ABCC4: variants seen among roughly 807,000 people sequenced by gnomAD.
The protein encoded by ABCC4 is ATP-binding cassette sub-family C member 4.
Under a neutral mutation model 168.5 loss-of-function variants are expected in ABCC4, and 102 were observed. That is an observed-to-expected ratio of 0.61 (90% CI 0.52 to 0.71). The LOEUF (loss-of-function observed/expected upper bound fraction) is 0.71. ABCC4 is among the 30% of genes least tolerant of loss of function. The pLI, the probability that ABCC4 is intolerant of heterozygous loss-of-function variation, is 0.00. For synonymous variants in ABCC4, 617 were observed against 590.7 expected, an observed-to-expected ratio of 1.04 and a Z score of -0.65; for missense variants, 1,402 against 1,605.8, an observed-to-expected ratio of 0.87 and a Z score of 2.17.
chr13:95,098,873 A>G (rs1431752742), intron 20 of ABCC4, among the ~76,000 whole-genome samples: 1 of 152,210 alleles, frequency 6.6e-6, no homozygotes, highest in Non-Finnish European at 1.5e-5. Context: ...GATTGATCAT[A>G]CTAAATGTTG....
chr13:95,248,718 A>C (rs2040178557), intron 1 of ABCC4, among the ~76,000 whole-genome samples: 1 of 152,076 alleles, frequency 6.6e-6, no homozygotes, highest in African/African-American at 2.4e-5. Context: ...AGACCAGCCT[A>C]CACAACATAG....
At chr13:95,108,281 A>G (rs1038806091) in intron 20 of ABCC4, among the ~76,000 whole-genome samples, 1 of 152,198 alleles carries the variant, frequency 6.6e-6, no homozygotes, top group African/African-American at 2.4e-5. Context: ...ATGACTTTCT[A>G]TAGGGAGATG....
At chr13:95,262,188 C>G in intron 1 of ABCC4, among the ~76,000 whole-genome samples, 1 of 152,220 alleles carries the variant, frequency 6.6e-6, no homozygotes, top group East Asian at 1.9e-4. Context: ...GGAACACTCT[C>G]TGCAAGGAGA....
At chr13:95,252,395 G>A (rs1038181544) in intron 1 of ABCC4, among the ~76,000 whole-genome samples, 21 of 152,098 alleles carry the variant, frequency 1.4e-4, no homozygotes, top group African/African-American at 5.1e-4. Context: ...TGTAAGTAGG[G>A]CCAGGTGTGG....
intron 1 of ABCC4, among the ~76,000 whole-genome samples, chr13:95,258,361 C>T (rs1234854284): frequency 2.0e-5 from 3 of 152,156 alleles, no homozygotes; most frequent in African/African-American, 2.4e-5. Flanking sequence ...CCCACATTCC[C>T]GTTTGTCCCC....
At chr13:95,288,944 C>T (rs1275172774) in intron 1 of ABCC4, among the ~76,000 whole-genome samples, 1 of 152,142 alleles carries the variant, frequency 6.6e-6, no homozygotes, top group Non-Finnish European at 1.5e-5. Context: ...CATGTAAATG[C>T]CACATTTGAG....
At chr13:95,285,986 T>G (rs959032845) in intron 1 of ABCC4, among the ~76,000 whole-genome samples, 1 of 152,078 alleles carries the variant, frequency 6.6e-6, no homozygotes, top group Non-Finnish European at 1.5e-5. Flanking sequence ...CTTCCCTACG[T>G]GCAGATAACT....
chr13:95,129,701 TC>T, intron 19 of ABCC4, among the ~76,000 whole-genome samples: 1 of 152,306 alleles, frequency 6.6e-6, no homozygotes, highest in East Asian at 1.9e-4. Context: ...TGATTCAGCT[TC>T]CTTCCCAAAT....
In ABCC4 at chr13:95,167,205, A is replaced by AATAAATAAATAC. The variant is rs1475553599; in HGVS notation, c.1825-839_1825-838insGTATTTATTTAT. ...AAATAAATAAATAAATAAATAAATA[A>AATAAATAAATAC]ATAAATAAATAAATAATTGCCCCAA... On this transcript the variant is annotated intron_variant, in intron 14 of 30. Coordinates refer to ENST00000645237, the MANE Select transcript of ABCC4 (RefSeq NM_005845.5). 1.3e-3 allele frequency among the ~76,000 whole-genome samples: 191 copies of AATAAATAAATAC among 151,306 alleles called. 11 individuals carry two copies. The highest frequency in any genetic ancestry group is 4.3e-3 in the African/African-American group (177 of 41,094).
intron 19 of ABCC4, among the ~76,000 whole-genome samples, chr13:95,125,871 C>T (rs1296838700): frequency 6.6e-6 from 1 of 152,118 alleles, no homozygotes; most frequent in African/African-American, 2.4e-5. Flanking sequence ...AAGAATACAC[C>T]AGGGAGGAGT....
intron 1 of ABCC4, among the ~76,000 whole-genome samples, chr13:95,289,212 T>C (rs545670217): frequency 6.6e-6 from 1 of 152,302 alleles, no homozygotes; most frequent in Non-Finnish European, 1.5e-5. Flanking sequence ...AATGCACCAA[T>C]AAAGATCAGC....
intron 19 of ABCC4, among the ~76,000 whole-genome samples, chr13:95,143,434 GA>G: frequency 6.6e-6 from 1 of 152,322 alleles, no homozygotes; most frequent in Middle Eastern, 3.4e-3. Flanking sequence ...TAAAATTTAT[GA>G]GAATGACCAA....
intron 30 of ABCC4, among the ~76,000 whole-genome samples, chr13:95,032,752 C>T (rs1357225330): frequency 6.6e-6 from 1 of 151,948 alleles, no homozygotes; most frequent in African/African-American, 2.4e-5. Flanking sequence ...CAACCTCCGC[C>T]TCCCAGGTTC....
Position 95,164,430 on chromosome 13 carries a change from C to T in ABCC4, c.2123G>A (p.Gly708Asp), listed in dbSNP as rs773778510. 2 of 1,614,044 alleles carry T rather than the reference C, an allele frequency of 1.2e-6. No homozygotes were observed. Among genetic ancestry groups the T allele is most frequent in the Non-Finnish European group, 1.7e-6 (2 of 1,180,032 alleles). Residue 708 changes from glycine (G) to aspartate (D), a missense_variant, in exon 16 of 31, where the codon GGT becomes GAT. Gly to Asp is a moderately conservative substitution (Grantham distance 94). Coordinates refer to ENST00000645237, the MANE Select transcript of ABCC4 (RefSeq NM_005845.5). ...GAAAATGAAGACAATCCAGTGAGCA[C>T]CAGCTCTGAAGTAATTCTTATAGGC... ...FQAYKNYFRA[G>D]AHWIVFIFLI... is the part of the protein sequence containing the mutation.
chr13:95,140,334 C>A (rs376641645), intron 19 of ABCC4, among the ~76,000 whole-genome samples: 2 of 152,162 alleles, frequency 1.3e-5, no homozygotes, highest in African/African-American at 4.8e-5. Flanking sequence ...CTACAGATTG[C>A]CCAAGGAATT....
chr13:95,055,133 A>T (rs1280495542), intron 26 of ABCC4, among the ~76,000 whole-genome samples: 1 of 152,222 alleles, frequency 6.6e-6, no homozygotes, highest in East Asian at 1.9e-4. Flanking sequence ...GGTCTGTCTT[A>T]AAAGTACCCA....
chr13:95,182,876 GAT>G (rs1479771352), intron 11 of ABCC4, among the ~76,000 whole-genome samples: 1 of 152,080 alleles, frequency 6.6e-6, no homozygotes, highest in Non-Finnish European at 1.5e-5. Flanking sequence ...CATTTGCTAC[GAT>G]ATCTCTTTGA....
At chr13:95,282,745 G>A (rs1022295941) in intron 1 of ABCC4, among the ~76,000 whole-genome samples, 2 of 151,700 alleles carry the variant, frequency 1.3e-5, no homozygotes, top group Non-Finnish European at 2.9e-5. Context: ...ATGTTGACCA[G>A]TCTGCTCTCA....
intron 8 of ABCC4, among the ~76,000 whole-genome samples, chr13:95,197,350 G>T (rs1566516828): frequency 6.6e-6 from 1 of 152,182 alleles, no homozygotes; most frequent in Non-Finnish European, 1.5e-5. Flanking sequence ...GTACGACCAA[G>T]ACATCAAATT....
Sources: allele counts gnomAD v4.1 joint callset (sites outside exome capture counted in the v4.1 genomes callset), GRCh38; gene constraint gnomAD v4.1.1; transcripts MANE v1.5; gene names NCBI Gene and HGNC (gene_info 2026-07-23, HGNC 2026-07-21).